The following CDC16 variants were observed in gnomAD, a reference collection of about 807,000 sequenced individuals.
CDC16 encodes cell division cycle protein 16 homolog.
In CDC16, 34 loss-of-function variants were observed where a neutral mutation model predicts 87.0. That is an observed-to-expected ratio of 0.39 (90% CI 0.30 to 0.52). The LOEUF is 0.52. Ranked by LOEUF, CDC16 falls within the 20% of genes least tolerant of loss-of-function variation. CDC16 has a pLI of 0.74. For missense variants in CDC16, 653 were observed against 751.9 expected (o/e 0.87, Z 1.54); for synonymous variants, 263 against 260.6 (o/e 1.01, Z -0.09).
At chr13:114,253,938 A>G (rs1406737675) in intron 12 of CDC16, among the ~76,000 whole-genome samples, 1 of 152,118 alleles carries the variant, frequency 6.6e-6, no homozygotes, top group Non-Finnish European at 1.5e-5. Context: ...TCTCCCTCCA[A>G]TTCCGGCACA....
chr13:114,265,085 A>T (rs1233375078), intron 16 of CDC16, 65 bp from the exon 17 acceptor site: 4 of 1,156,214 alleles, frequency 3.5e-6, no homozygotes, highest in Non-Finnish European at 5.2e-6. Context: ...TTTTGAAATG[A>T]ATCAGTGTGG....
At chr13:114,271,156 C>G (rs1594710964) in intron 17 of CDC16, among the ~76,000 whole-genome samples, 1 of 151,904 alleles carries the variant, frequency 6.6e-6, no homozygotes, top group Non-Finnish European at 1.5e-5. Context: ...CTCCTGACCT[C>G]GTGATCCACC....
intron 14 of CDC16, 55 bp from the exon 15 acceptor site, chr13:114,261,832 A>G: frequency 7.8e-7 from 1 of 1,276,160 alleles, no homozygotes; most frequent in South Asian, 1.3e-5. Context: ...GTGCAAACAA[A>G]TCAGGCTGAA....
chr13:114,245,097 A>G (rs1204884251), intron 9 of CDC16, 128 bp downstream of exon 9: 3 of 536,500 alleles, frequency 5.6e-6, no homozygotes, highest in Non-Finnish European at 9.7e-6. Context: ...ACCCTACTAT[A>G]AAAGTAACAA....
chr13:114,238,027 GCACGTGCTCCAGT>G (rs2081341280), intron 3 of CDC16, among the ~76,000 whole-genome samples: 3 of 152,078 alleles, frequency 2.0e-5, no homozygotes, highest in Admixed American at 1.3e-4. Flanking sequence ...AATACCTGGA[GCACGTGCTCCAGT>G]CACGTGGTGC....
intron 12 of CDC16, among the ~76,000 whole-genome samples, chr13:114,254,776 G>T (rs146241643): frequency 3.9e-5 from 6 of 152,158 alleles, no homozygotes; most frequent in African/African-American, 1.4e-4. Flanking sequence ...GGCCAGGGCC[G>T]TCTAAATTTA....
intron 11 of CDC16, among the ~76,000 whole-genome samples, chr13:114,248,806 A>T (rs996460781): frequency 1.3e-5 from 2 of 152,116 alleles, no homozygotes; most frequent in South Asian, 2.1e-4. Flanking sequence ...GGTTGGTTGT[A>T]TGTTCAGCAT....
At chr13:114,244,820 A>G (rs1204942629) in intron 8 of CDC16, 70 bp from the exon 9 acceptor site, 5 of 889,012 alleles carry the variant, frequency 5.6e-6, no homozygotes, top group African/African-American at 1.7e-5. Flanking sequence ...GACTGTCTAC[A>G]CATAGCCGAT....
At chr13:114,249,444 C>A (rs982545629) in intron 11 of CDC16, among the ~76,000 whole-genome samples, 1 of 152,056 alleles carries the variant, frequency 6.6e-6, no homozygotes, top group Admixed American at 6.6e-5. Context: ...GGGACTGATA[C>A]CAGTCTGTGG....
At chr13:114,272,105 AG>A in intron 17 of CDC16, 78 bp from the exon 18 acceptor site, 1 of 780,604 alleles carries the variant, frequency 1.3e-6, no homozygotes, top group South Asian at 2.0e-5. Context: ...TTAAATGATA[AG>A]AGATGGTGTT....
At chr13:114,252,989 T>G (rs2082280858) in intron 12 of CDC16, among the ~76,000 whole-genome samples, 1 of 152,102 alleles carries the variant, frequency 6.6e-6, no homozygotes, top group African/African-American at 2.4e-5. Flanking sequence ...AATTTAAAAT[T>G]AGCTGGGTTT....
chr13:114,256,983 A>G, intron 12 of CDC16, 95 bp from the exon 13 acceptor site: 1 of 758,394 alleles, frequency 1.3e-6, no homozygotes, highest in South Asian at 2.2e-5. Context: ...GGCTACCTTT[A>G]AATTATTTTG....
chr13:114,258,122 G>A lies in CDC16; in HGVS notation c.1250+892G>A, dbSNP rs1347375064. On this transcript the variant is annotated intron_variant, in intron 13 of 17. Transcript: ENST00000356221. ...TAATACTACTACAGTGTCATTTATG[G>A]CATGTATGTGTTCTAAAAAATGGGT... Among the ~76,000 whole-genome samples the A allele has an allele frequency of 3.3e-5, 5 of 152,224 alleles. No homozygotes were observed. In the East Asian group the frequency reaches 7.7e-4, roughly 23 times the overall value.
At chr13:114,239,144 T>C in intron 4 of CDC16, 116 bp downstream of exon 4, 2 of 1,480,144 alleles carry the variant, frequency 1.4e-6, no homozygotes, top group Non-Finnish European at 1.8e-6. Flanking sequence ...AAGTATTTCA[T>C]GAGGAAGTGT....
At chr13:114,249,273 G>A (rs759378607) in intron 11 of CDC16, among the ~76,000 whole-genome samples, 2 of 152,090 alleles carry the variant, frequency 1.3e-5, no homozygotes, top group Non-Finnish European at 2.9e-5. Flanking sequence ...TGATCTGACA[G>A]GAGGCAGAGC....
intron 6 of CDC16, 119 bp from the exon 7 acceptor site, chr13:114,243,138 G>A (rs1490767456): frequency 1.7e-6 from 1 of 602,434 alleles, no homozygotes; most frequent in Non-Finnish European, 3.0e-6. Context: ...TTGATCTTAT[G>A]TTCTCTTTTG....
chr13:114,261,833 T>G lies in CDC16; in HGVS notation c.1315-54T>G, dbSNP rs1305264960. On this transcript the variant is annotated intron_variant, in intron 14 of 17. Transcript: ENST00000356221. The stretch of plus-strand genomic sequence containing the variant: ...CGTGAAATAATTCAGTGCAAACAAA[T>G]CAGGCTGAACAGTGACATATATAAC... The G allele has an allele frequency of 3.9e-6, 5 of 1,278,084 alleles. No homozygotes were observed. In the East Asian group the frequency reaches 1.3e-4, roughly 32 times the overall value. 79.2% of individuals were successfully genotyped at this position (1,278,084 alleles called of 1,614,324 possible).
At chr13:114,262,569 G>A (rs2082921194) in intron 15 of CDC16, among the ~76,000 whole-genome samples, 1 of 152,236 alleles carries the variant, frequency 6.6e-6, no homozygotes, top group Admixed American at 6.5e-5. Flanking sequence ...ACCTAAGAGG[G>A]TGGTGTGTGG....
In CDC16 at chr13:114,255,345, T is replaced by TA. The variant is rs2082428232; in HGVS notation, c.1098-1732dup. Among the ~76,000 whole-genome samples the TA allele has an allele frequency of 2.0e-5, 3 of 152,336 alleles. No homozygotes were observed. In the South Asian group the frequency reaches 6.2e-4, roughly 32 times the overall value. On this transcript the variant is annotated intron_variant, in intron 12 of 17. Transcript: ENST00000356221. ...GTGGGTTCAAGTTAACATCCAGTGTTACTTTCCTACTGTAATACAGCTTTG... is the reference window on the plus strand; with the variant it reads ...GTGGGTTCAAGTTAACATCCAGTGTTAACTTTCCTACTGTAATACAGCTTTG...
Sources: allele counts gnomAD v4.1 joint callset (sites outside exome capture counted in the v4.1 genomes callset), GRCh38; gene constraint gnomAD v4.1.1; transcripts MANE v1.5; gene names NCBI Gene and HGNC (gene_info 2026-07-23, HGNC 2026-07-21).